The following DGCR2 variants were observed in gnomAD, a reference collection of about 807,000 sequenced individuals.
DGCR2 encodes integral membrane protein DGCR2/IDD.
In DGCR2, 24 loss-of-function variants were observed where a neutral mutation model predicts 51.6. The observed-to-expected ratio is 0.47, with a 90% CI of 0.34 to 0.65. The LOEUF (loss-of-function observed/expected upper bound fraction) is 0.65, where lower values mean the gene tolerates loss of function less well. Among genes scored for constraint, DGCR2 ranks in the 30% least tolerant of loss-of-function variants. DGCR2 has a pLI of 0.01. For synonymous variants in DGCR2, 340 were observed against 315.4 expected (o/e 1.08, Z -0.82); for missense variants, 765 against 772.1 (o/e 0.99, Z 0.11).
intron 1 of DGCR2, among the ~76,000 whole-genome samples, chr22:19,117,547 A>T (rs933792174): frequency 3.9e-5 from 6 of 152,252 alleles, no homozygotes; most frequent in Non-Finnish European, 5.9e-5. Flanking sequence ...GTACAAGGAT[A>T]AACGGCCATG....
chr22:19,098,046 C>T (rs960402491), intron 1 of DGCR2, among the ~76,000 whole-genome samples: 13 of 152,228 alleles, frequency 8.5e-5, no homozygotes, highest in African/African-American at 2.9e-4. Context: ...AGCCCCCACA[C>T]GGATTTTCTG....
Position 19,102,678 on chromosome 22 carries a change from G to A in DGCR2, c.80-13188C>T, listed in dbSNP as rs377564897. Reference sequence around the variant, plus strand: ...GACTGCACCACTGTACTCCAGCCTGGGTGACAGAGCGAGACTCCGTCTCAA... The same window carrying A: ...GACTGCACCACTGTACTCCAGCCTGAGTGACAGAGCGAGACTCCGTCTCAA... On this transcript the variant is annotated intron_variant, in intron 1 of 9. Transcript: ENST00000263196. 9.7e-4 allele frequency among the ~76,000 whole-genome samples: 147 copies of A among 151,854 alleles called. 1 individual carries two copies. Among genetic ancestry groups the A allele is most frequent in the African/African-American group, 3.3e-3 (136 of 41,406 alleles).
intron 5 of DGCR2, chr22:19,060,851 C>A (rs752873290): frequency 3.9e-6 from 2 of 515,772 alleles, no homozygotes; most frequent in Non-Finnish European, 7.7e-6. Context: ...CCAAGGCGCA[C>A]AGGAACCCTG....
At chr22:19,052,646 T>G (rs1337638516) in intron 6 of DGCR2, among the ~76,000 whole-genome samples, 1 of 149,680 alleles carries the variant, frequency 6.7e-6, no homozygotes, top group African/African-American at 2.4e-5. Flanking sequence ...TTGGGCACAG[T>G]GGCATGCACC....
At chr22:19,114,028 C>A (rs2083346067) in intron 1 of DGCR2, among the ~76,000 whole-genome samples, 1 of 142,564 alleles carries the variant, frequency 7.0e-6, no homozygotes, top group Admixed American at 7.3e-5. Flanking sequence ...CACTGCACTC[C>A]AGCCTGGGCA....
chr22:19,096,699 A>T (rs953825742), intron 1 of DGCR2, among the ~76,000 whole-genome samples: 1 of 152,160 alleles, frequency 6.6e-6, no homozygotes, highest in South Asian at 2.1e-4. Flanking sequence ...ATAGAGATTT[A>T]GCAACAGAAC....
intron 1 of DGCR2, among the ~76,000 whole-genome samples, chr22:19,095,790 T>C (rs892646841): frequency 6.6e-5 from 10 of 151,628 alleles, no homozygotes; most frequent in African/African-American, 2.4e-4. Context: ...GGAAACAATT[T>C]TGAGATCAAA....
At chr22:19,060,379 G>T (rs908371638) in intron 5 of DGCR2, among the ~76,000 whole-genome samples, 4 of 152,202 alleles carry the variant, frequency 2.6e-5, no homozygotes, top group Admixed American at 2.0e-4. Context: ...AGAAAAGAAG[G>T]CTTCTACTAA....
chr22:19,121,218 C>G (rs1230071253), intron 1 of DGCR2, among the ~76,000 whole-genome samples: 1 of 152,164 alleles, frequency 6.6e-6, no homozygotes, highest in Non-Finnish European at 1.5e-5. Flanking sequence ...TGCTTTTTCA[C>G]TGTATTAGTA....
At position 19,122,182 on chromosome 22, in the gene DGCR2, C is replaced by T. The variant is rs768590392; in HGVS notation, c.25G>A (p.Ala9Thr). 4.6e-6 allele frequency: 7 copies of T among 1,511,120 alleles called. No individual in the cohort carries two copies. Among genetic ancestry groups the T allele is most frequent in the Non-Finnish European group, 6.2e-6 (7 of 1,129,362 alleles). The allele number at this position is 1,511,120 out of a possible 1,614,324, so 93.6% of individuals were successfully genotyped here. MVPKADSG[A>T]FLLLFLLVLT... Reference sequence around the variant, plus strand: ...ACGAGCAGGAAGAGCAGCAGGAAGGCGCCGCTGTCTGCCTTGGGCACCATT... The same window carrying T: ...ACGAGCAGGAAGAGCAGCAGGAAGGTGCCGCTGTCTGCCTTGGGCACCATT... Residue 9 changes from alanine to threonine, a missense_variant, in exon 1 of 10, where the codon GCC (alanine) becomes ACC (threonine). By Grantham distance (58) the Ala-to-Thr change is moderately conservative (BLOSUM62 0). This residue lies in a region of DGCR2 where 370 missense variants were observed against 325.5 expected (regional missense o/e 1.14). Transcript: ENST00000263196.
intron 1 of DGCR2, among the ~76,000 whole-genome samples, chr22:19,105,617 G>A (rs185095939): frequency 6.6e-6 from 1 of 152,276 alleles, no homozygotes; most frequent in Admixed American, 6.5e-5. Context: ...GAGGGACTTC[G>A]GGACCAGATA....
chr22:19,042,041 C>CA, intron 7 of DGCR2, 82 bp from the exon 8 acceptor site: 2 of 1,502,544 alleles, frequency 1.3e-6, no homozygotes, highest in Non-Finnish European at 1.8e-6. Context: ...TCCTCCTGCC[C>CA]AGGCGGGCTG....
Position 19,062,430 on chromosome 22 carries a change from T to C in DGCR2, c.625+772A>G, listed in dbSNP as rs149710789. On this transcript the variant is annotated intron_variant, in intron 5 of 9. Coordinates refer to ENST00000263196, the MANE Select transcript of DGCR2 (RefSeq NM_005137.3). Reference sequence around the variant, plus strand: ...CTTTTCAACCCTGTCCCCAGGCCCATCACTCCTCATTTATCCTTCTTAGAG... The same window carrying C: ...CTTTTCAACCCTGTCCCCAGGCCCACCACTCCTCATTTATCCTTCTTAGAG... Among the ~76,000 whole-genome samples, 1,016 of 152,312 alleles carry C rather than the reference T, an allele frequency of 6.7e-3. 11 individuals carry two copies. Among genetic ancestry groups the C allele is most frequent in the Non-Finnish European group, 0.01 (685 of 68,016 alleles).
chr22:19,096,277 A>G (rs1478098708), intron 1 of DGCR2, among the ~76,000 whole-genome samples: 1 of 152,232 alleles, frequency 6.6e-6, no homozygotes, highest in East Asian at 1.9e-4. Flanking sequence ...GTTCTCATTC[A>G]TATGTGGGAG....
intron 1 of DGCR2, among the ~76,000 whole-genome samples, chr22:19,113,302 G>A (rs753455329): frequency 1.3e-5 from 2 of 151,786 alleles, no homozygotes; most frequent in Non-Finnish European, 2.9e-5. Flanking sequence ...CCCGGGAGGC[G>A]GAGGTTGCAG....
At chr22:19,116,938 G>A (rs1185286571) in intron 1 of DGCR2, among the ~76,000 whole-genome samples, 1 of 151,272 alleles carries the variant, frequency 6.6e-6, no homozygotes, top group Non-Finnish European at 1.5e-5. Context: ...CTGCTAAGAG[G>A]AAACATGCAT....
At position 19,073,362 on chromosome 22, in the gene DGCR2, T is replaced by C. The variant is rs148731177; in HGVS notation, c.203-5137A>G. Among the ~76,000 whole-genome samples, 1,408 of 152,116 alleles carry C rather than the reference T, an allele frequency of 9.3e-3. 30 individuals carry two copies. The highest frequency in any genetic ancestry group is 0.032 in the African/African-American group (1,321 of 41,498). ...ACTAAAAGTAAAATAATCAAAGAGA[T>C]GGAAAACTGCAGAGGAGAAAACGAA... On this transcript the variant is annotated intron_variant, in intron 2 of 9. Coordinates refer to ENST00000263196, the MANE Select transcript of DGCR2 (RefSeq NM_005137.3).
chr22:19,063,108 G>T, intron 5 of DGCR2, 94 bp downstream of exon 5: 1 of 1,231,566 alleles, frequency 8.1e-7, no homozygotes. Flanking sequence ...ACCCCTACGG[G>T]CCAGGCAGCA....
At position 19,039,128 on chromosome 22, in the gene DGCR2, GA is replaced by G; in HGVS notation, c.1397-8del. On this transcript the variant is annotated splice_region_variant and splice_polypyrimidine_tract_variant and intron_variant, in intron 9 of 9. Transcript: ENST00000263196. The stretch of plus-strand genomic sequence containing the variant: ...GGCTCAAAAGCATCATCGTCTGCAG[GA>G]AGAGACAGAGGGGTGTCAGAGGCAG... 1 of 1,612,778 alleles carries G rather than the reference GA, an allele frequency of 6.2e-7. No individual in the cohort carries two copies.
Sources: gnomAD v4.1 joint callset for allele counts (sites outside exome capture counted in the v4.1 genomes callset) on GRCh38, gnomAD v4.1.1 for gene constraint, gnomAD v4.1.1 regional missense constraint, MANE v1.5 for transcripts, NCBI Gene and HGNC (gene_info 2026-07-23, HGNC 2026-07-21) for gene names.